Variants in ARMH4 observed in about 807,000 individuals in gnomAD.
The protein encoded by ARMH4 is armadillo like helical domain containing 4.
ARMH4 carries 49 observed loss-of-function variants against 61.9 expected under a neutral mutation model. The ratio of observed to expected loss-of-function variants is 0.79; its 90% CI spans 0.63 to 1.00. The LOEUF (loss-of-function observed/expected upper bound fraction) is 1.00. Among genes scored for constraint, ARMH4 ranks in the 50% least tolerant of loss-of-function variants. ARMH4 has a pLI of 0.00. For missense variants in ARMH4, 934 were observed against 930.0 expected (o/e 1.00, Z -0.06); for synonymous variants, 368 against 341.5 (o/e 1.08, Z -0.85).
Position 58,000,994 on chromosome 14 carries a change from T to C in ARMH4, c.*3742A>G, listed in dbSNP as rs1236431604. ...TTATTCATCTTGCATAACTGAAACA[T>C]AATTAATCAACATCTCCCCACCTTT... On this transcript the variant is annotated 3_prime_UTR_variant, in exon 8 of 8. Coordinates refer to ENST00000267485, the MANE Select transcript of ARMH4 (RefSeq NM_001001872.4). 1.3e-5 allele frequency: 2 copies of C among 152,216 alleles called. No homozygotes were observed. Among genetic ancestry groups the C allele is most frequent in the Non-Finnish European group, 2.9e-5 (2 of 68,050 alleles). 9.4% of individuals were successfully genotyped at this position (152,216 alleles called of 1,614,324 possible).
In ARMH4 at chr14:58,003,568, AAAT is replaced by A. The variant is rs1441366125; in HGVS notation, c.*1165_*1167del. The A allele has an allele frequency of 3.3e-5, 5 of 152,252 alleles. No homozygotes were observed. Among genetic ancestry groups the A allele is most frequent in the African/African-American group, 1.2e-4 (5 of 41,474 alleles). 9.4% of individuals were successfully genotyped at this position (152,252 alleles called of 1,614,324 possible). ...CTACAAATCCTCAATCCCTAGATTCAAATAGCGCATTGGAATATCCTATTTTGT... is the reference window on the plus strand; with the variant it reads ...CTACAAATCCTCAATCCCTAGATTCAAGCGCATTGGAATATCCTATTTTGT... On this transcript the variant is annotated 3_prime_UTR_variant, in exon 8 of 8. Coordinates refer to ENST00000267485, the MANE Select transcript of ARMH4 (RefSeq NM_001001872.4).
chr14:58,142,474 CTCTTT>C (rs1304925475), intron 1 of ARMH4, among the ~76,000 whole-genome samples: 21 of 151,566 alleles, frequency 1.4e-4, no homozygotes, highest in African/African-American at 3.2e-4. Context: ...CTTTTCTCTT[CTCTTT>C]TCTTTTCTTT....
intron 5 of ARMH4, among the ~76,000 whole-genome samples, chr14:58,022,466 T>C: frequency 6.6e-6 from 1 of 152,182 alleles, no homozygotes; most frequent in Non-Finnish European, 1.5e-5. Context: ...TCTGCCTCAT[T>C]ACATCAGGTA....
At chr14:58,102,679 C>T (rs960897440) in intron 4 of ARMH4, among the ~76,000 whole-genome samples, 17 of 150,606 alleles carry the variant, frequency 1.1e-4, no homozygotes, top group African/African-American at 4.9e-5. Flanking sequence ...GGCGCGGTGG[C>T]GGGCGCCTGT....
Position 58,053,107 on chromosome 14 carries a change from C to T in ARMH4, c.2090-40957G>A, listed in dbSNP as rs538565135. Among the ~76,000 whole-genome samples, 6 of 152,304 alleles carry T rather than the reference C, an allele frequency of 3.9e-5. 1 individual carries two copies. The highest frequency in any genetic ancestry group is 1.4e-4 in the African/African-American group (6 of 41,562). The stretch of plus-strand genomic sequence containing the variant: ...CCTGTCCCAGTAAAAGCCATCTTTC[C>T]TGTTGCCCAGTCTATTGTGACAAGC... On this transcript the variant is annotated intron_variant, in intron 5 of 7. Transcript: ENST00000267485.
intron 6 of ARMH4, among the ~76,000 whole-genome samples, chr14:58,007,632 G>A (rs17734691): frequency 0.19 from 29,554 of 152,078 alleles, 3,635 homozygotes; most frequent in East Asian, 0.48. Flanking sequence ...ACTGACTAAG[G>A]GAAAATAAGC....
At chr14:58,131,480 C>A in intron 4 of ARMH4, 32 bp downstream of exon 4, 2 of 1,564,106 alleles carry the variant, frequency 1.3e-6, no homozygotes, top group South Asian at 2.2e-5. Flanking sequence ...CTCAACCAGT[C>A]CTTGAAAAGA....
chr14:58,093,743 G>T (rs1301751489), intron 5 of ARMH4, among the ~76,000 whole-genome samples: 1 of 152,064 alleles, frequency 6.6e-6, no homozygotes, highest in Non-Finnish European at 1.5e-5. Flanking sequence ...TCCGAGAAAA[G>T]GTTGGTGGGC....
At chr14:58,088,090 C>T (rs1008497562) in intron 5 of ARMH4, among the ~76,000 whole-genome samples, 46 of 152,242 alleles carry the variant, frequency 3.0e-4, no homozygotes, top group African/African-American at 1.0e-3. Flanking sequence ...TTATAACCTA[C>T]GTCATGCTAA....
chr14:58,053,577 T>C (rs1884220900), intron 5 of ARMH4, among the ~76,000 whole-genome samples: 1 of 152,198 alleles, frequency 6.6e-6, no homozygotes, highest in African/African-American at 2.4e-5. Flanking sequence ...CTGACCCCCA[T>C]CAGGCCAAGG....
intron 2 of ARMH4, among the ~76,000 whole-genome samples, chr14:58,136,313 G>A (rs1887299531): frequency 6.6e-6 from 1 of 152,130 alleles, no homozygotes; most frequent in Admixed American, 6.5e-5. Flanking sequence ...TAAGAATCAT[G>A]GATTCAATTG....
intron 5 of ARMH4, among the ~76,000 whole-genome samples, chr14:58,048,724 C>G (rs1447423918): frequency 2.0e-5 from 3 of 151,984 alleles, no homozygotes; most frequent in Non-Finnish European, 4.4e-5. Flanking sequence ...AAAACAAGAG[C>G]GAGACATATG....
chr14:58,101,016 C>T (rs1029081666), intron 4 of ARMH4: 10 of 180,908 alleles, frequency 5.5e-5, no homozygotes, highest in Admixed American at 1.1e-4. Context: ...CTGTGGGACA[C>T]TAAGGCCCAC....
At chr14:58,126,546 A>G (rs1292533863) in intron 4 of ARMH4, among the ~76,000 whole-genome samples, 18 of 152,244 alleles carry the variant, frequency 1.2e-4, no homozygotes, top group Non-Finnish European at 2.9e-5. Context: ...TGAAGGCAGG[A>G]AAATGGATAT....
At chr14:58,106,514 T>C (rs1376084844) in intron 4 of ARMH4, among the ~76,000 whole-genome samples, 2 of 152,192 alleles carry the variant, frequency 1.3e-5, no homozygotes, top group Admixed American at 6.5e-5. Context: ...CTTAGTGATA[T>C]TAAATAGTGT....
intron 5 of ARMH4, among the ~76,000 whole-genome samples, chr14:58,050,857 C>T (rs1249955496): frequency 6.6e-6 from 1 of 152,048 alleles, no homozygotes; most frequent in Non-Finnish European, 1.5e-5. Flanking sequence ...CTCCTGGCAA[C>T]CACCTGTTCT....
intron 5 of ARMH4, among the ~76,000 whole-genome samples, chr14:58,020,787 G>A (rs1411080378): frequency 6.6e-6 from 1 of 152,172 alleles, no homozygotes; most frequent in Non-Finnish European, 1.5e-5. Flanking sequence ...TTAAAACTCA[G>A]AATGAGCAAT....
At chr14:58,047,058 GA>G (rs2141193245) in intron 5 of ARMH4, among the ~76,000 whole-genome samples, 1 of 152,264 alleles carries the variant, frequency 6.6e-6, no homozygotes, top group East Asian at 1.9e-4. Context: ...ACATGTACTG[GA>G]AGAGACTCTA....
chr14:58,137,305 A>AT (rs1418466641), intron 2 of ARMH4, among the ~76,000 whole-genome samples: 1 of 152,186 alleles, frequency 6.6e-6, no homozygotes, highest in Non-Finnish European at 1.5e-5. Flanking sequence ...ACATTGCTAA[A>AT]TGTCCCCTGG....
Sources: gnomAD v4.1 joint callset for allele counts (sites outside exome capture counted in the v4.1 genomes callset) on GRCh38, gnomAD v4.1.1 for gene constraint, MANE v1.5 for transcripts, NCBI Gene and HGNC (gene_info 2026-07-23, HGNC 2026-07-21) for gene names.